TAFA2: variants seen among roughly 807,000 people sequenced by gnomAD.
TAFA2 encodes TAFA chemokine like family member 2, also known as chemokine-like protein TAFA-2.
In TAFA2, 7 loss-of-function variants were observed where a neutral mutation model predicts 18.8. The ratio of observed to expected loss-of-function variants is 0.37; its 90% CI spans 0.21 to 0.70. TAFA2 has a LOEUF of 0.70. Among genes scored for constraint, TAFA2 ranks in the 30% least tolerant of loss-of-function variants. The probability of loss-of-function intolerance (pLI) is 0.53; values close to 1 mark genes in which losing one functional copy is unlikely to be tolerated. For missense variants in TAFA2, 122 were observed against 158.1 expected (o/e 0.77, Z 1.23); for synonymous variants, 60 against 54.2 (o/e 1.11, Z -0.47).
intron 2 of TAFA2, among the ~76,000 whole-genome samples, chr12:61,792,054 AT>A (rs1444940520): frequency 2.0e-5 from 3 of 151,628 alleles, no homozygotes; most frequent in African/African-American, 7.3e-5. Flanking sequence ...ATTTGTTTTC[AT>A]TTGCAACAAC....
intron 1 of TAFA2, among the ~76,000 whole-genome samples, chr12:61,995,261 T>C (rs1330560783): frequency 6.6e-6 from 1 of 152,186 alleles, no homozygotes; most frequent in Non-Finnish European, 1.5e-5. Context: ...ATAACCTAAG[T>C]TATTTCCCAT....
chr12:61,844,990 A>T (rs17577137), intron 2 of TAFA2, among the ~76,000 whole-genome samples: 43,948 of 152,026 alleles, frequency 0.29, 6,962 homozygotes, highest in South Asian at 0.4. Flanking sequence ...ACCTACAGAA[A>T]GATGCCTAGG....
intron 1 of TAFA2, among the ~76,000 whole-genome samples, chr12:62,149,587 T>TTA (rs151026993): frequency 0.064 from 9,446 of 146,874 alleles, 338 homozygotes; most frequent in South Asian, 0.1. Flanking sequence ...TATATACACA[T>TTA]TATATATATA....
intron 2 of TAFA2, among the ~76,000 whole-genome samples, chr12:61,804,871 C>A (rs1266687691): frequency 6.6e-6 from 1 of 151,964 alleles, no homozygotes; most frequent in Non-Finnish European, 1.5e-5. Context: ...TCAAGAGAAT[C>A]ATGACCCAAA....
chr12:61,711,042 A>G (rs2120534064), intron 4 of TAFA2, among the ~76,000 whole-genome samples: 1 of 152,220 alleles, frequency 6.6e-6, no homozygotes, highest in South Asian at 2.1e-4. Flanking sequence ...AGGTGCCCCA[A>G]AATTTTCATA....
intron 1 of TAFA2, among the ~76,000 whole-genome samples, chr12:62,163,817 A>C (rs1168243315): frequency 6.6e-6 from 1 of 152,142 alleles, no homozygotes; most frequent in Non-Finnish European, 1.5e-5. Flanking sequence ...AAGCTGGACA[A>C]AGTAAAAAAA....
chr12:61,802,444 C>T (rs994360088), intron 2 of TAFA2, among the ~76,000 whole-genome samples: 21 of 152,014 alleles, frequency 1.4e-4, no homozygotes, highest in African/African-American at 5.1e-4. Context: ...GAAAGAAATT[C>T]TGTCATTCAC....
intron 1 of TAFA2, among the ~76,000 whole-genome samples, chr12:61,932,367 A>G (rs776666209): frequency 9.2e-5 from 14 of 152,166 alleles, no homozygotes; most frequent in Admixed American, 3.9e-4. Context: ...GCCTCCCAAG[A>G]CTGAGAAAAG....
intron 1 of TAFA2, among the ~76,000 whole-genome samples, chr12:62,231,118 T>TA (rs2062810170): frequency 2.6e-5 from 4 of 152,250 alleles, no homozygotes; most frequent in Non-Finnish European, 5.9e-5. Context: ...CTGGATGATC[T>TA]ATTACTAAGA....
intron 1 of TAFA2, among the ~76,000 whole-genome samples, chr12:62,094,649 C>T (rs1482146999): frequency 6.6e-6 from 1 of 151,946 alleles, no homozygotes; most frequent in Non-Finnish European, 1.5e-5. Flanking sequence ...TGAATGCTTA[C>T]TCTATTTCAG....
chr12:61,748,369 G>C (rs1162238200), intron 4 of TAFA2, among the ~76,000 whole-genome samples: 1 of 152,058 alleles, frequency 6.6e-6, no homozygotes, highest in African/African-American at 2.4e-5. Context: ...GGCCTGACTG[G>C]AAGTGAGATG....
chr12:61,827,837 T>C (rs1192961610), intron 2 of TAFA2, among the ~76,000 whole-genome samples: 2 of 151,986 alleles, frequency 1.3e-5, no homozygotes, highest in African/African-American at 4.8e-5. Flanking sequence ...TTGGGGAAGT[T>C]TGAATTTCTA....
At chr12:61,984,167 T>C (rs955139148) in intron 1 of TAFA2, among the ~76,000 whole-genome samples, 4 of 152,252 alleles carry the variant, frequency 2.6e-5, no homozygotes, top group Non-Finnish European at 5.9e-5. Flanking sequence ...GATTTTGTTA[T>C]TGTATTCACT....
intron 1 of TAFA2, among the ~76,000 whole-genome samples, chr12:62,244,927 A>AT (rs931671481): frequency 2.0e-5 from 3 of 151,964 alleles, no homozygotes; most frequent in African/African-American, 7.3e-5. Context: ...TAGTAATTCC[A>AT]TTTTTTGTCA....
chr12:61,741,161 C>T (rs1565616481), intron 4 of TAFA2, among the ~76,000 whole-genome samples: 3 of 151,874 alleles, frequency 2.0e-5, no homozygotes, highest in Non-Finnish European at 4.4e-5. Context: ...TATTCTTATT[C>T]GCTCGTGGGA....
intron 1 of TAFA2, among the ~76,000 whole-genome samples, chr12:61,914,724 A>T (rs2121350838): frequency 6.6e-6 from 1 of 152,298 alleles, no homozygotes; most frequent in South Asian, 2.1e-4. Flanking sequence ...CACTCATTTC[A>T]GCTGTGTTTT....
chr12:62,251,561 G>A (rs2062913801), intron 1 of TAFA2, among the ~76,000 whole-genome samples: 1 of 152,112 alleles, frequency 6.6e-6, no homozygotes. Context: ...ACTCTGAGAT[G>A]GAAAATAGCC....
intron 1 of TAFA2, among the ~76,000 whole-genome samples, chr12:62,015,153 T>C (rs1347807383): frequency 6.6e-6 from 1 of 152,234 alleles, no homozygotes; most frequent in Non-Finnish European, 1.5e-5. Context: ...TTGATCTTTC[T>C]GGTAGCATTC....
intron 1 of TAFA2, among the ~76,000 whole-genome samples, chr12:62,203,213 G>A (rs979908292): frequency 6.6e-6 from 1 of 152,230 alleles, no homozygotes; most frequent in African/African-American, 2.4e-5. Context: ...TGTTTGTTAT[G>A]ATTTTGGTTC....
Sources: gnomAD v4.1 joint callset for allele counts (sites outside exome capture counted in the v4.1 genomes callset) on GRCh38, gnomAD v4.1.1 for gene constraint, MANE v1.5 for transcripts, NCBI Gene and HGNC (gene_info 2026-07-23, HGNC 2026-07-21) for gene names.